Variants in CCSER2 observed in about 807,000 individuals in gnomAD.
CCSER2 encodes serine-rich coiled-coil domain-containing protein 2.
Under a neutral mutation model 92.3 loss-of-function variants are expected in CCSER2, and 46 were observed. That is an observed-to-expected ratio of 0.50 (90% confidence interval 0.39 to 0.64). The LOEUF (loss-of-function observed/expected upper bound fraction) is 0.64. Among genes scored for constraint, CCSER2 ranks in the 30% least tolerant of loss-of-function variants. The probability of loss-of-function intolerance (pLI) is 0.00; values close to 1 mark genes in which losing one functional copy is unlikely to be tolerated. For synonymous variants in CCSER2, 433 were observed against 431.4 expected (o/e 1.00, Z -0.04); for missense variants, 1,244 against 1,238.9 (o/e 1.00, Z -0.06).
chr10:84,438,278 C>T (rs1844310551), intron 5 of CCSER2, among the ~76,000 whole-genome samples: 1 of 152,088 alleles, frequency 6.6e-6, no homozygotes, highest in African/African-American at 2.4e-5. Context: ...GTTTATTCTT[C>T]CAGTATGTAA....
intron 3 of CCSER2, among the ~76,000 whole-genome samples, chr10:84,400,937 T>C (rs1000255518): frequency 1.3e-5 from 2 of 152,206 alleles, no homozygotes; most frequent in East Asian, 3.9e-4. Flanking sequence ...AAATGCCATC[T>C]GTAGCCGGGT....
At chr10:84,409,095 A>T (rs1372078169) in intron 3 of CCSER2, among the ~76,000 whole-genome samples, 2 of 151,998 alleles carry the variant, frequency 1.3e-5, no homozygotes, top group African/African-American at 4.8e-5. Context: ...GGTTCAAGAG[A>T]TTCTCCTGCC....
intron 1 of CCSER2, among the ~76,000 whole-genome samples, chr10:84,362,472 G>C (rs1428376457): frequency 6.6e-6 from 1 of 152,176 alleles, no homozygotes; most frequent in Non-Finnish European, 1.5e-5. Flanking sequence ...AATTTTTATG[G>C]TTTGGCCAGG....
intron 9 of CCSER2, among the ~76,000 whole-genome samples, chr10:84,490,052 A>G (rs892166533): frequency 1.3e-5 from 2 of 152,226 alleles, no homozygotes; most frequent in African/African-American, 4.8e-5. Context: ...TTCTTTAAGA[A>G]TGTTGAATAT....
At chr10:84,482,092 A>G (rs1482561540) in intron 9 of CCSER2, among the ~76,000 whole-genome samples, 2 of 152,138 alleles carry the variant, frequency 1.3e-5, no homozygotes, top group Non-Finnish European at 2.9e-5. Flanking sequence ...ACCTAGAACA[A>G]TAAGTAAAGG....
At chr10:84,386,938 G>C (rs1396354318) in intron 3 of CCSER2, among the ~76,000 whole-genome samples, 1 of 152,170 alleles carries the variant, frequency 6.6e-6, no homozygotes, top group Non-Finnish European at 1.5e-5. Flanking sequence ...CTTCAGAAGT[G>C]GGGAGGATGG....
At chr10:84,472,412 T>C (rs1327097557) in intron 8 of CCSER2, among the ~76,000 whole-genome samples, 2 of 151,944 alleles carry the variant, frequency 1.3e-5, no homozygotes, top group Non-Finnish European at 2.9e-5. Context: ...CTACTAAAAA[T>C]ACAAAAAATT....
intron 9 of CCSER2, among the ~76,000 whole-genome samples, chr10:84,500,714 G>T (rs1476744650): frequency 2.6e-5 from 4 of 152,088 alleles, no homozygotes; most frequent in Admixed American, 2.6e-4. Flanking sequence ...CCCATAAAAA[G>T]CTATTATTAA....
intron 9 of CCSER2, among the ~76,000 whole-genome samples, chr10:84,483,129 A>G (rs925455872): frequency 6.6e-6 from 1 of 152,170 alleles, no homozygotes; most frequent in Non-Finnish European, 1.5e-5. Context: ...GCTTAGAATT[A>G]GGTTTTTGGT....
At chr10:84,449,757 G>T (rs1339191489) in intron 6 of CCSER2, among the ~76,000 whole-genome samples, 1 of 152,080 alleles carries the variant, frequency 6.6e-6, no homozygotes, top group Non-Finnish European at 1.5e-5. Flanking sequence ...TGAGACAGGA[G>T]AATTGCTTGA....
chr10:84,502,114 G>A (rs970006897), intron 9 of CCSER2, among the ~76,000 whole-genome samples: 5 of 150,414 alleles, frequency 3.3e-5, no homozygotes, highest in South Asian at 2.1e-4. Flanking sequence ...ACTAATAAAG[G>A]GTTTTTTTTT....
chr10:84,492,885 G>A (rs1045355682), intron 9 of CCSER2, among the ~76,000 whole-genome samples: 4 of 152,078 alleles, frequency 2.6e-5, no homozygotes, highest in African/African-American at 7.2e-5. Flanking sequence ...TTTTACATCT[G>A]TATTCTGGGG....
chr10:84,347,959 A>G (rs1844621684), intron 1 of CCSER2, among the ~76,000 whole-genome samples: 2 of 150,176 alleles, frequency 1.3e-5, no homozygotes, highest in Non-Finnish European at 3.0e-5. Context: ...GGCACTCCTC[A>G]CTTCCCAGAC....
At chr10:84,346,760 TTATA>T (rs767734162) in intron 1 of CCSER2, among the ~76,000 whole-genome samples, 1 of 98,038 alleles carries the variant, frequency 1.0e-5, no homozygotes, top group African/African-American at 3.3e-5. Context: ...TTCTTTTTTT[TTATA>T]TATATATATA....
At chr10:84,448,874 T>C (rs774300231) in intron 6 of CCSER2, among the ~76,000 whole-genome samples, 10 of 152,208 alleles carry the variant, frequency 6.6e-5, no homozygotes, top group African/African-American at 1.2e-4. Flanking sequence ...GCCTTAATGG[T>C]TTTGATATTC....
At chr10:84,357,908 A>G (rs1043276819) in intron 1 of CCSER2, among the ~76,000 whole-genome samples, 2 of 152,170 alleles carry the variant, frequency 1.3e-5, no homozygotes, top group African/African-American at 2.4e-5. Context: ...TAATGCTTCT[A>G]TGGGTGACAT....
intron 1 of CCSER2, among the ~76,000 whole-genome samples, chr10:84,349,643 C>A (rs1178718417): frequency 6.6e-6 from 1 of 152,194 alleles, no homozygotes; most frequent in African/African-American, 2.4e-5. Context: ...GATCACCCCA[C>A]TGTACTCCAG....
chr10:84,387,165 ATTAT>A (rs1841260235), intron 3 of CCSER2, among the ~76,000 whole-genome samples: 2 of 152,000 alleles, frequency 1.3e-5, no homozygotes, highest in Admixed American at 6.6e-5. Flanking sequence ...ACCATTTGAG[ATTAT>A]TTATATTTTT....
intron 3 of CCSER2, among the ~76,000 whole-genome samples, chr10:84,394,887 G>A (rs1398318207): frequency 6.6e-6 from 1 of 152,028 alleles, no homozygotes; most frequent in Admixed American, 6.6e-5. Context: ...ATCAAAGCCT[G>A]TGTTGCAGAG....
Sources: allele counts gnomAD v4.1 joint callset (sites outside exome capture counted in the v4.1 genomes callset), GRCh38; gene constraint gnomAD v4.1.1; transcripts MANE v1.5; gene names NCBI Gene and HGNC (gene_info 2026-07-23, HGNC 2026-07-21).